The following DNAL1 variants were observed in gnomAD, a reference collection of about 807,000 sequenced individuals.
The protein encoded by DNAL1 is chromosome 14 open reading frame 168.
DNAL1 carries 17 observed loss-of-function variants against 29.4 expected under a neutral mutation model. The observed-to-expected ratio is 0.58, with a 90% CI of 0.40 to 0.87. The LOEUF (loss-of-function observed/expected upper bound fraction) is 0.87, where lower values mean the gene tolerates loss of function less well. Ranked by LOEUF, DNAL1 falls within the 40% of genes least tolerant of loss-of-function variation. DNAL1 has a pLI of 0.00. For synonymous variants in DNAL1, 78 were observed against 76.3 expected (o/e 1.02, Z -0.12); for missense variants, 188 against 214.1 (o/e 0.88, Z 0.76).
chr14:73,692,204 G>C (rs115831003), intron 7 of DNAL1, among the ~76,000 whole-genome samples: 5 of 152,014 alleles, frequency 3.3e-5, no homozygotes, highest in Admixed American at 2.0e-4. Context: ...AATAGAGGCC[G>C]GGTGTAGTGG....
intron 1 of DNAL1, among the ~76,000 whole-genome samples, chr14:73,649,165 G>A (rs1389525004): frequency 6.6e-6 from 1 of 151,726 alleles, no homozygotes; most frequent in African/African-American, 2.4e-5. Flanking sequence ...AGTAGAGACG[G>A]GGGTCTCCCC....
Position 73,675,723 on chromosome 14 carries a change from A to C in DNAL1, c.264+4126A>C, listed in dbSNP as rs949191004. On this transcript the variant is annotated intron_variant, in intron 5 of 7. Coordinates refer to ENST00000553645, the MANE Select transcript of DNAL1 (RefSeq NM_031427.4). ...TTTTATTACAGTTACACAACTATTA[A>C]GTTAAAATTGTAGGCTGGGCGCAGT... 1.1e-4 allele frequency among the ~76,000 whole-genome samples: 17 copies of C among 152,146 alleles called. No individual in the cohort carries two copies. In the South Asian group the frequency reaches 1.9e-3, roughly 17 times the overall value.
intron 1 of DNAL1, 56 bp downstream of exon 1, chr14:73,645,098 G>T: frequency 6.3e-7 from 1 of 1,591,410 alleles, no homozygotes; most frequent in East Asian, 2.3e-5. Flanking sequence ...GAGTGGAAAA[G>T]GGTGACTGTG....
intron 5 of DNAL1, among the ~76,000 whole-genome samples, chr14:73,674,700 C>T (rs1026852779): frequency 8.5e-5 from 13 of 152,132 alleles, no homozygotes; most frequent in African/African-American, 3.1e-4. Flanking sequence ...TGCCATCATA[C>T]CAAGCTAATA....
intron 5 of DNAL1, among the ~76,000 whole-genome samples, chr14:73,682,470 T>G (rs568825546): frequency 2.0e-5 from 3 of 151,554 alleles, no homozygotes; most frequent in South Asian, 2.1e-4. Context: ...ATTACAGGCA[T>G]GAGCCACTGC....
chr14:73,696,208 GC>G lies in DNAL1; in HGVS notation c.*270del. 1 of 269,786 alleles carries G rather than the reference GC, an allele frequency of 3.7e-6. No homozygotes were observed. 16.7% of individuals were successfully genotyped at this position (269,786 alleles called of 1,614,324 possible). A position where few individuals can be genotyped will look rare whatever the true frequency, so the allele number is the denominator to read the frequency against. Reference sequence around the variant, plus strand: ...TTCAGTCTCAGTTACGTACTGTGTAGCCCCATCTACTAAAACAAAACCTTTG... The same window carrying G: ...TTCAGTCTCAGTTACGTACTGTGTAGCCCATCTACTAAAACAAAACCTTTG... On this transcript the variant is annotated 3_prime_UTR_variant, in exon 8 of 8. Coordinates refer to ENST00000553645, the MANE Select transcript of DNAL1 (RefSeq NM_031427.4).
chr14:73,649,258 G>A (rs1891057611), intron 1 of DNAL1, among the ~76,000 whole-genome samples: 1 of 151,138 alleles, frequency 6.6e-6, no homozygotes, highest in Non-Finnish European at 1.5e-5. Flanking sequence ...ACAGGCATGA[G>A]CCACAGTGCC....
At chr14:73,673,422 T>C (rs1891659993) in intron 5 of DNAL1, among the ~76,000 whole-genome samples, 1 of 152,196 alleles carries the variant, frequency 6.6e-6, no homozygotes, top group Non-Finnish European at 1.5e-5. Flanking sequence ...AAATAAATTA[T>C]AAATATAGGA....
chr14:73,688,650 T>C (rs1892082585), intron 6 of DNAL1, among the ~76,000 whole-genome samples: 1 of 152,130 alleles, frequency 6.6e-6, no homozygotes, highest in Admixed American at 6.6e-5. Flanking sequence ...AACTGTGTGA[T>C]AAGTTCTGCA....
chr14:73,682,408 C>T (rs1480079686), intron 5 of DNAL1, among the ~76,000 whole-genome samples: 2 of 141,734 alleles, frequency 1.4e-5, no homozygotes, highest in South Asian at 2.2e-4. Context: ...AGGCTAGTCT[C>T]GAACTCCTGG....
chr14:73,689,321 C>A lies in DNAL1; in HGVS notation c.392-54C>A, dbSNP rs1315872450. On this transcript the variant is annotated intron_variant, in intron 6 of 7. Transcript: ENST00000553645. The stretch of plus-strand genomic sequence containing the variant: ...TTCTGGGATTACAGGCGTGGACCAC[C>A]GCACCCGGCCAAAACTTAGTGTTTT... 8 of 1,545,012 alleles carry A rather than the reference C, an allele frequency of 5.2e-6. No homozygotes were observed. The South Asian group carries it at 8.4e-5, about 16-fold the overall frequency.
chr14:73,657,887 G>A (rs1211473438), intron 2 of DNAL1, among the ~76,000 whole-genome samples: 4 of 152,210 alleles, frequency 2.6e-5, no homozygotes, highest in East Asian at 1.9e-4. Context: ...GCACCACTAC[G>A]CCTGCCCAGA....
At chr14:73,690,114 G>A (rs1470273447) in intron 7 of DNAL1, among the ~76,000 whole-genome samples, 2 of 151,842 alleles carry the variant, frequency 1.3e-5, no homozygotes, top group East Asian at 3.9e-4. Flanking sequence ...GCACGTTTCT[G>A]TAGTCAAGCT....
intron 5 of DNAL1, among the ~76,000 whole-genome samples, chr14:73,682,077 A>C (rs1452417994): frequency 6.6e-6 from 1 of 150,578 alleles, no homozygotes; most frequent in East Asian, 2.0e-4. Flanking sequence ...GCACCTTTGT[A>C]CTCCAGCCTG....
At chr14:73,660,287 TTTTAA>T (rs1398875648) in intron 3 of DNAL1, among the ~76,000 whole-genome samples, 1 of 152,202 alleles carries the variant, frequency 6.6e-6, no homozygotes, top group African/African-American at 2.4e-5. Context: ...TAGTAGTTTC[TTTTAA>T]TTTATTTTCT....
chr14:73,677,884 T>TATATATATTTGTGTGTG (rs1555402397), intron 5 of DNAL1, among the ~76,000 whole-genome samples: 1 of 96,130 alleles, frequency 1.0e-5, no homozygotes, highest in Non-Finnish European at 2.2e-5. Context: ...ATATATATAT[T>TATATATATTTGTGTGTG]TGTGTGTGTG....
rs565494488 is a variant in DNAL1, at chr14:73,694,669, T to C, written c.533-1233T>C. Among the ~76,000 whole-genome samples the C allele has an allele frequency of 1.8e-4, 28 of 152,298 alleles. No individual in the cohort carries two copies. The South Asian group carries it at 5.8e-3, about 32-fold the overall frequency. On this transcript the variant is annotated intron_variant, in intron 7 of 7. Transcript: ENST00000553645. ...TTTTATTGTGGGAAATGAGGAATATTTCTTTATGCTTAACATAGAAAACTT... is the reference window on the plus strand; with the variant it reads ...TTTTATTGTGGGAAATGAGGAATATCTCTTTATGCTTAACATAGAAAACTT...
chr14:73,677,240 G>A (rs1431839229), intron 5 of DNAL1, among the ~76,000 whole-genome samples: 1 of 152,024 alleles, frequency 6.6e-6, no homozygotes, highest in Non-Finnish European at 1.5e-5. Flanking sequence ...GAAGTGCTGG[G>A]ATTACAGGCA....
At chr14:73,690,702 C>G (rs1892154151) in intron 7 of DNAL1, among the ~76,000 whole-genome samples, 1 of 151,286 alleles carries the variant, frequency 6.6e-6, no homozygotes, top group Admixed American at 6.6e-5. Flanking sequence ...CATAAAGTTC[C>G]ATGTCTATCT....
Sources: gnomAD v4.1 joint callset for allele counts (sites outside exome capture counted in the v4.1 genomes callset) on GRCh38, gnomAD v4.1.1 for gene constraint, MANE v1.5 for transcripts, NCBI Gene and HGNC (gene_info 2026-07-23, HGNC 2026-07-21) for gene names.